IFRD1: variants seen among roughly 807,000 people sequenced by gnomAD.
IFRD1 encodes the protein interferon related developmental regulator 1, also known as interferon-related developmental regulator 1.
In IFRD1, 35 loss-of-function variants were observed where a neutral mutation model predicts 52.9. The observed-to-expected ratio is 0.66, with a 90% CI of 0.51 to 0.88. IFRD1 has a LOEUF of 0.88. Ranked by LOEUF, IFRD1 falls within the 40% of genes least tolerant of loss-of-function variation. IFRD1 has a pLI of 0.00. For synonymous variants in IFRD1, 184 were observed against 188.4 expected (o/e 0.98, Z 0.19); for missense variants, 517 against 550.8 (o/e 0.94, Z 0.61).
At chr7:112,458,110 G>A (rs968661557) in intron 4 of IFRD1, 1 of 152,232 alleles carries the variant, frequency 6.6e-6, no homozygotes, top group East Asian at 1.9e-4. Context: ...ATGCTATAAT[G>A]GTTGTTGGAC....
chr7:112,461,851 TA>T lies in IFRD1; in HGVS notation c.568-14del, dbSNP rs201701658. 1,260 of 1,304,354 alleles carry T rather than the reference TA, an allele frequency of 9.7e-4. 2 individuals carry two copies. The East Asian group carries it at 0.024, about 25-fold the overall frequency. The allele number at this position is 1,304,354 out of a possible 1,614,324, so 80.8% of individuals were successfully genotyped here. On this transcript the variant is annotated splice_polypyrimidine_tract_variant and intron_variant, in intron 5 of 11. Transcript: ENST00000403825. ...AAAATCATTAATGTCTATATATATA[TA>T]TTTTTTTTTTTAGTGTGCAACTTGC...
At chr7:112,435,798 C>A (rs975629020) in intron 1 of IFRD1, among the ~76,000 whole-genome samples, 12 of 151,904 alleles carry the variant, frequency 7.9e-5, no homozygotes, top group Admixed American at 7.9e-4. Context: ...GAACATTCAA[C>A]ATTCATACTT....
At chr7:112,446,703 A>G (rs12537798), upstream of IFRD1, among the ~76,000 whole-genome samples, 37,511 of 152,018 alleles carry the variant, frequency 0.25, 5,768 homozygotes, top group Non-Finnish European at 0.35. Flanking sequence ...GGTTGATCAT[A>G]TCAGGCAGAG....
At chr7:112,452,678 A>G (rs972460696) in intron 1 of IFRD1, among the ~76,000 whole-genome samples, 2 of 152,158 alleles carry the variant, frequency 1.3e-5, no homozygotes, top group South Asian at 2.1e-4. Flanking sequence ...TATAGTACCT[A>G]TACAGGCCTC....
chr7:112,456,458 AATGTT>A (rs1563266113), intron 3 of IFRD1, among the ~76,000 whole-genome samples: 1 of 152,180 alleles, frequency 6.6e-6, no homozygotes, highest in East Asian at 1.9e-4. Context: ...CTTGTCCACT[AATGTT>A]ATGATATGAA....
chr7:112,450,813 G>A (rs1369021081), intron 1 of IFRD1, 31 bp downstream of exon 1: 2 of 1,511,502 alleles, frequency 1.3e-6, no homozygotes, highest in East Asian at 2.3e-5. Context: ...CGGCATCCCA[G>A]TTGCCGGCCA....
intron 1 of IFRD1, among the ~76,000 whole-genome samples, chr7:112,424,897 A>G (rs1364397132): frequency 6.6e-6 from 1 of 152,070 alleles, no homozygotes; most frequent in Non-Finnish European, 1.5e-5. Flanking sequence ...TTTTGAATTT[A>G]TTGATATTTG....
intron 5 of IFRD1, 125 bp from the exon 6 acceptor site, chr7:112,461,741 A>G (rs1795440277): frequency 3.7e-6 from 2 of 534,666 alleles, no homozygotes; most frequent in Non-Finnish European, 6.4e-6. Flanking sequence ...TTTATGTATA[A>G]TGTTTGGGAC....
chr7:112,436,553 C>T (rs548870488), intron 1 of IFRD1, among the ~76,000 whole-genome samples: 6 of 151,916 alleles, frequency 3.9e-5, no homozygotes, highest in Non-Finnish European at 7.4e-5. Context: ...TCATGGGGCT[C>T]GGTGGTTGAG....
In IFRD1 at chr7:112,456,024, A is replaced by C. The variant is rs1489546749; in HGVS notation, c.222A>C (p.Glu74Asp). Residue 74 changes from glutamate (E) to aspartate (D), a missense_variant, in exon 3 of 12, where the codon GAA (glutamate) becomes GAC (aspartate). Coordinates refer to ENST00000403825, the MANE Select transcript of IFRD1 (RefSeq NM_001550.4). ...TAGGACCAGAAGTCCTTGATGAGGA[A>C]GGAACTCAAGAAGACCTAGAGTACA... ...AEDGPEVLDE[E>D]GTQEDLEYKL... 1.2e-6 allele frequency: 2 copies of C among 1,607,148 alleles called. No individual in the cohort carries two copies. The highest frequency in any genetic ancestry group is 3.3e-5 in the Admixed American group (2 of 59,988).
At chr7:112,455,890 T>C in intron 2 of IFRD1, 23 bp downstream of exon 2, 1 of 1,547,668 alleles carries the variant, frequency 6.5e-7, no homozygotes, top group Non-Finnish European at 8.9e-7. Flanking sequence ...AATTTAAATT[T>C]GCAACTTTAG....
chr7:112,436,255 T>A (rs901367741), intron 1 of IFRD1, among the ~76,000 whole-genome samples: 2 of 152,228 alleles, frequency 1.3e-5, no homozygotes, highest in Non-Finnish European at 2.9e-5. Context: ...TTCCTTAAAA[T>A]TTTCTTTTTA....
At chr7:112,472,945 C>T (rs1317299076) in intron 11 of IFRD1, 84 bp downstream of exon 11, 2 of 901,930 alleles carry the variant, frequency 2.2e-6, no homozygotes, top group Non-Finnish European at 3.7e-6. Context: ...CTGTGTCTAC[C>T]TATATGTGGA....
upstream of IFRD1, among the ~76,000 whole-genome samples, chr7:112,449,826 TGGGGGGG>T (rs57063084): frequency 8.3e-6 from 1 of 120,308 alleles, no homozygotes; most frequent in Non-Finnish European, 1.7e-5. Flanking sequence ...TCCCTTTTTT[TGGGGGGG>T]GGGGGGGATG....
At chr7:112,458,166 T>C (rs1410892017) in intron 4 of IFRD1, 1 of 152,238 alleles carries the variant, frequency 6.6e-6, no homozygotes, top group Non-Finnish European at 1.5e-5. Flanking sequence ...ATTTTTTACA[T>C]TTTTAATTTA....
In IFRD1 at chr7:112,475,200, C is replaced by T. The variant is rs540758555; in HGVS notation, c.1267-230C>T. ...GTCTCAATCTCCTGACCTCGTGATT[C>T]GCCCACCTCGGCCTCCCAGAGTGCT... On this transcript the variant is annotated intron_variant, in intron 11 of 11. Transcript: ENST00000403825. 3.3e-5 allele frequency among the ~76,000 whole-genome samples: 5 copies of T among 152,278 alleles called. No individual in the cohort carries two copies. In the South Asian group the frequency reaches 6.2e-4, roughly 19 times the overall value.
chr7:112,468,987 A>G (rs1281339253), intron 9 of IFRD1, among the ~76,000 whole-genome samples: 2 of 152,278 alleles, frequency 1.3e-5, no homozygotes, highest in Admixed American at 6.5e-5. Flanking sequence ...GACAAAAGAT[A>G]TCTCACTGGA....
At chr7:112,471,240 T>C (rs1584502857) in intron 9 of IFRD1, among the ~76,000 whole-genome samples, 1 of 152,294 alleles carries the variant, frequency 6.6e-6, no homozygotes, top group East Asian at 1.9e-4. Flanking sequence ...CCTCATGCAG[T>C]ATAGGTAAAG....
chr7:112,475,625 T>C lies in IFRD1; in HGVS notation c.*106T>C. 1.4e-6 allele frequency: 1 copy of C among 722,422 alleles called. No homozygotes were observed. The allele number at this position is 722,422 out of a possible 1,614,324, so 44.8% of individuals were successfully genotyped here. A position where few individuals can be genotyped will look rare whatever the true frequency, so the allele number is the denominator to read the frequency against. ...ATCCTGGATTAACTTAGATAACTTT[T>C]GTAGCAGTGGTTATATTGCTTATAA... On this transcript the variant is annotated 3_prime_UTR_variant, in exon 12 of 12. Coordinates refer to ENST00000403825, the MANE Select transcript of IFRD1 (RefSeq NM_001550.4).
Sources: gnomAD v4.1 joint callset for allele counts (sites outside exome capture counted in the v4.1 genomes callset) on GRCh38, gnomAD v4.1.1 for gene constraint, MANE v1.5 for transcripts, NCBI Gene and HGNC (gene_info 2026-07-23, HGNC 2026-07-21) for gene names.